MICU1: variants seen among roughly 807,000 people sequenced by gnomAD.
MICU1 encodes mitochondrial calcium uptake 1, also known as calcium uptake protein 1, mitochondrial.
A neutral mutation model predicts 56.8 loss-of-function variants in MICU1; 45 were observed. The ratio of observed to expected loss-of-function variants is 0.79; its 90% CI spans 0.62 to 1.02. MICU1 has a LOEUF of 1.02. MICU1 is among the 50% of genes least tolerant of loss of function. The pLI is 0.00. For synonymous variants in MICU1, 186 were observed against 195.1 expected, an observed-to-expected ratio of 0.95 and a Z score of 0.39; for missense variants, 504 against 587.1, an observed-to-expected ratio of 0.86 and a Z score of 1.46.
rs1178823534 is a variant in MICU1, at chr10:72,569,237, A to ATTTTT, written c.-1-2448_-1-2444dup. 1.1e-3 allele frequency among the ~76,000 whole-genome samples: 37 copies of ATTTTT among 34,340 alleles called. 1 individual carries two copies. The highest frequency in any genetic ancestry group is 8.3e-3 in the East Asian group (12 of 1,440). 22.5% of individuals were successfully genotyped at this position (34,340 alleles called of 152,430 possible). A position where few individuals can be genotyped will look rare whatever the true frequency, so the allele number is the denominator to read the frequency against. On this transcript the variant is annotated intron_variant, in intron 1 of 11. Transcript: ENST00000361114. ...TATATATATATATATATATATATAT[A>ATTTTT]TTTTTTTTTTTTTTTGAGATGGCGT...
chr10:72,429,407 G>A (rs552220962), intron 8 of MICU1, among the ~76,000 whole-genome samples: 6 of 132,762 alleles, frequency 4.5e-5, no homozygotes, highest in Admixed American at 2.3e-4. Flanking sequence ...GTGACAGAGC[G>A]AGATCCTGCC....
intron 1 of MICU1, among the ~76,000 whole-genome samples, chr10:72,586,846 T>C (rs1454233275): frequency 6.6e-6 from 1 of 152,248 alleles, no homozygotes; most frequent in Non-Finnish European, 1.5e-5. Context: ...TTGAAGACTA[T>C]GGCACATGCC....
At chr10:72,446,028 C>T (rs1417141340) in intron 8 of MICU1, among the ~76,000 whole-genome samples, 2 of 151,878 alleles carry the variant, frequency 1.3e-5, no homozygotes, top group African/African-American at 2.4e-5. Context: ...GAGCAGTTGG[C>T]ACTGTTTTCA....
intron 1 of MICU1, among the ~76,000 whole-genome samples, chr10:72,597,978 C>T (rs1841423923): frequency 1.3e-5 from 2 of 152,122 alleles, no homozygotes; most frequent in Admixed American, 1.3e-4. Context: ...ATTAAGGATG[C>T]TCAATCTGTA....
rs1840334904 is a variant in MICU1, at chr10:72,562,882, CTA to C, written c.330+11_330+12del. 2 of 1,569,132 alleles carry C rather than the reference CTA, an allele frequency of 1.3e-6. No homozygotes were observed. The highest frequency in any genetic ancestry group is 1.2e-5 in the South Asian group (1 of 81,516). ...ATATACTTCTGATCAACTTATAAGA[CTA>C]TGTTTCATACTTTTCTGTCTCTGAA... On this transcript the variant is annotated intron_variant, in intron 3 of 11. Coordinates refer to ENST00000361114, the MANE Select transcript of MICU1 (RefSeq NM_001195518.2).
Position 72,423,337 on chromosome 10 carries a change from G to T in MICU1, c.968C>A (p.Thr323Asn). The T allele has an allele frequency of 6.2e-7, 1 of 1,613,910 alleles. No individual in the cohort carries two copies. Among genetic ancestry groups the T allele is most frequent in the Non-Finnish European group, 8.5e-7 (1 of 1,179,858 alleles). Reference sequence around the variant, plus strand: ...TAGCATGCCACCAAACTGCCTCTCAGTAATTCTCCCATCCACAGGGTCATG... The same window carrying T: ...TAGCATGCCACCAAACTGCCTCTCATTAATTCTCCCATCCACAGGGTCATG... ...ERHDPVDGRI[T>N]ERQFGGMLLA... The change falls in exon 9 of 12, where the codon ACT becomes AAT. Residue 323 changes from threonine to asparagine, a missense_variant. Coordinates refer to ENST00000361114, the MANE Select transcript of MICU1 (RefSeq NM_001195518.2).
intron 10 of MICU1, 74 bp from the exon 11 acceptor site, chr10:72,375,946 C>T (rs897049214): frequency 1.1e-5 from 15 of 1,330,154 alleles, no homozygotes; most frequent in Middle Eastern, 3.6e-4. Flanking sequence ...GGGGATAAAA[C>T]GACTCAGTCA....
intron 8 of MICU1, among the ~76,000 whole-genome samples, chr10:72,468,182 C>T (rs529323162): frequency 6.6e-6 from 1 of 152,086 alleles, no homozygotes; most frequent in East Asian, 1.9e-4. Context: ...TGAATCCCAG[C>T]TTATAAGCAA....
chr10:72,371,030 C>CA (rs565154008), intron 11 of MICU1, among the ~76,000 whole-genome samples: 130 of 145,290 alleles, frequency 8.9e-4, no homozygotes, highest in Non-Finnish European at 1.5e-3. Context: ...GACTCTGTCT[C>CA]AAAAAAAAAG....
At chr10:72,439,408 A>G (rs1432434781) in intron 8 of MICU1, among the ~76,000 whole-genome samples, 3 of 152,344 alleles carry the variant, frequency 2.0e-5, no homozygotes, top group South Asian at 4.1e-4. Context: ...TCTCAAAATA[A>G]TAAGAGCTAT....
At chr10:72,522,641 C>A (rs752861696) in intron 5 of MICU1, among the ~76,000 whole-genome samples, 3 of 152,122 alleles carry the variant, frequency 2.0e-5, no homozygotes, top group Non-Finnish European at 4.4e-5. Context: ...AAGTATTTCA[C>A]AGCATTAATA....
intron 8 of MICU1, among the ~76,000 whole-genome samples, chr10:72,436,517 G>A (rs191169312): frequency 7.2e-5 from 11 of 152,274 alleles, no homozygotes; most frequent in Middle Eastern, 3.4e-3. Context: ...CCAAAGGATC[G>A]CAGCTCCTTG....
At chr10:72,506,080 G>C (rs966353348) in intron 6 of MICU1, among the ~76,000 whole-genome samples, 1 of 149,564 alleles carries the variant, frequency 6.7e-6, no homozygotes, top group African/African-American at 2.5e-5. Flanking sequence ...AACATAGAAA[G>C]TAACTTACAA....
At chr10:72,515,237 C>T (rs1282740781) in intron 5 of MICU1, among the ~76,000 whole-genome samples, 1 of 152,198 alleles carries the variant, frequency 6.6e-6, no homozygotes, top group Non-Finnish European at 1.5e-5. Context: ...ATTTTAGCAG[C>T]TTCTTTCTTT....
chr10:72,386,604 G>A (rs916508489), intron 10 of MICU1, among the ~76,000 whole-genome samples: 12 of 137,006 alleles, frequency 8.8e-5, no homozygotes, highest in African/African-American at 1.4e-4. Context: ...CTGTCACCCC[G>A]GCTGGAGTGC....
At chr10:72,472,176 C>T (rs1402962038) in intron 8 of MICU1, among the ~76,000 whole-genome samples, 2 of 152,148 alleles carry the variant, frequency 1.3e-5, no homozygotes, top group Admixed American at 6.5e-5. Flanking sequence ...CTACAGTTTA[C>T]TGTGGCAAGG....
At chr10:72,593,398 A>G (rs909045110) in intron 1 of MICU1, among the ~76,000 whole-genome samples, 1 of 151,858 alleles carries the variant, frequency 6.6e-6, no homozygotes, top group East Asian at 1.9e-4. Flanking sequence ...TCAGGAGTTC[A>G]AGACCAGCCT....
chr10:72,383,823 G>C (rs1011613656), intron 10 of MICU1, among the ~76,000 whole-genome samples: 1 of 151,846 alleles, frequency 6.6e-6, no homozygotes, highest in African/African-American at 2.4e-5. Context: ...TTTGAGACAG[G>C]GTCTTGGTTC....
At chr10:72,485,898 C>A (rs908052719) in intron 6 of MICU1, among the ~76,000 whole-genome samples, 2 of 151,122 alleles carry the variant, frequency 1.3e-5, no homozygotes, top group Admixed American at 1.3e-4. Context: ...CACACACACA[C>A]GCACACACAC....
Sources: allele counts gnomAD v4.1 joint callset (sites outside exome capture counted in the v4.1 genomes callset), GRCh38; gene constraint gnomAD v4.1.1; transcripts MANE v1.5; gene names NCBI Gene and HGNC (gene_info 2026-07-23, HGNC 2026-07-21).